The following FAM227B variants were observed in gnomAD, a reference collection of about 807,000 sequenced individuals.
FAM227B encodes protein FAM227B.
Under a neutral mutation model 73.8 loss-of-function variants are expected in FAM227B, and 88 were observed. The observed-to-expected ratio is 1.19, with a 90% CI of 1.00 to 1.42. FAM227B has a LOEUF of 1.42. Among genes scored for constraint, FAM227B ranks in the 40% most tolerant of loss-of-function variants. The probability of loss-of-function intolerance (pLI) is 0.00; values close to 1 mark genes in which losing one functional copy is unlikely to be tolerated. For missense variants in FAM227B, 632 were observed against 590.9 expected (o/e 1.07, Z -0.72); for synonymous variants, 210 against 190.5 (o/e 1.10, Z -0.84).
chr15:49,391,172 A>G (rs1204685668), intron 11 of FAM227B, among the ~76,000 whole-genome samples: 2 of 152,162 alleles, frequency 1.3e-5, no homozygotes, highest in African/African-American at 4.8e-5. Flanking sequence ...ACCTCTATTA[A>G]GCAGGAAAAA....
At chr15:49,408,883 C>T (rs2048695620) in intron 11 of FAM227B, among the ~76,000 whole-genome samples, 1 of 151,978 alleles carries the variant, frequency 6.6e-6, no homozygotes, top group Non-Finnish European at 1.5e-5. Flanking sequence ...GCATTTACTA[C>T]CACAATTCAG....
intron 13 of FAM227B, among the ~76,000 whole-genome samples, chr15:49,341,357 TAACAA>T (rs944723724): frequency 2.6e-5 from 4 of 152,206 alleles, no homozygotes; most frequent in African/African-American, 9.6e-5. Flanking sequence ...ATGGCAAGTT[TAACAA>T]TATTGATTCT....
chr15:49,585,698 G>A (rs1379539771), intron 5 of FAM227B, among the ~76,000 whole-genome samples: 1 of 152,120 alleles, frequency 6.6e-6, no homozygotes, highest in African/African-American at 2.4e-5. Context: ...GTTGTGGGGT[G>A]GGTGGAGGGG....
intron 11 of FAM227B, among the ~76,000 whole-genome samples, chr15:49,388,035 T>C (rs1450562321): frequency 1.3e-5 from 2 of 151,902 alleles, no homozygotes; most frequent in Admixed American, 6.6e-5. Context: ...AGAATCAATA[T>C]TGTGCAAATG....
chr15:49,508,228 T>C lies in FAM227B; in HGVS notation c.995A>G (p.Gln332Arg). 6.2e-7 allele frequency: 1 copy of C among 1,610,558 alleles called. No individual in the cohort carries two copies. The highest frequency in any genetic ancestry group is 8.5e-7 in the Non-Finnish European group (1 of 1,178,464). ...TTACTTACTAGTTGATATATGTTCT[T>C]GACTGTCTGCAATTCTTTCCTTTAC... Reference protein sequence around the residue: ...KSVKERIADSQEHISTSIDFN... With the variant: ...KSVKERIADSREHISTSIDFN... The change falls in exon 11 of 16, where the codon CAA becomes CGA. Residue 332 changes from glutamine (Q) to arginine (R), a missense_variant. Transcript: ENST00000299338.
chr15:49,478,688 T>C (rs2055598271), intron 11 of FAM227B, among the ~76,000 whole-genome samples: 1 of 152,168 alleles, frequency 6.6e-6, no homozygotes, highest in Non-Finnish European at 1.5e-5. Context: ...AAATAATATT[T>C]AGTTATCATG....
intron 1 of FAM227B, among the ~76,000 whole-genome samples, 186 bp from the exon 2 acceptor site, chr15:49,615,429 T>C (rs966220595): frequency 7.2e-5 from 11 of 152,116 alleles, no homozygotes; most frequent in African/African-American, 1.2e-4. Flanking sequence ...TGGGAGGTGA[T>C]TGGATCATGG....
Position 49,508,335 on chromosome 15 carries a change from T to C in FAM227B, c.888A>G (p.Gln296=). The change falls in exon 11 of 16, where the codon CAA becomes CAG. Residue 296 remains glutamine (Q), a synonymous_variant. Coordinates refer to ENST00000299338, the MANE Select transcript of FAM227B (RefSeq NM_152647.3). Reference sequence around the variant, plus strand: ...GTTTCCAGTGGATCCAAAAGCCTTTTTGAGGTTTTAAACCTGTTAATATAA... The same window carrying C: ...GTTTCCAGTGGATCCAAAAGCCTTTCTGAGGTTTTAAACCTGTTAATATAA... ...IFLWCSGLKP[Q]KGFWIHWKLK... The C allele has an allele frequency of 6.3e-7, 1 of 1,599,082 alleles. No individual in the cohort carries two copies. The highest frequency in any genetic ancestry group is 1.1e-5 in the South Asian group (1 of 87,700).
intron 3 of FAM227B, among the ~76,000 whole-genome samples, chr15:49,603,903 G>A (rs1032714933): frequency 5.9e-5 from 9 of 152,024 alleles, no homozygotes; most frequent in Non-Finnish European, 7.4e-5. Context: ...CAGCATCAGC[G>A]GAAATCATAT....
Position 49,327,938 on chromosome 15 carries a change from C to T in FAM227B, c.*630G>A, listed in dbSNP as rs1239011880. On this transcript the variant is annotated 3_prime_UTR_variant, in exon 16 of 16. Coordinates refer to ENST00000299338, the MANE Select transcript of FAM227B (RefSeq NM_152647.3). ...CATTTATAGGTTCTAATATTTTTTT[C>T]CTCACTGTTTTAGGAAGTTTGGGGC... is the stretch of plus-strand genomic sequence containing the variant. The T allele has an allele frequency of 2.3e-5, 36 of 1,589,358 alleles. No homozygotes were observed. The highest frequency in any genetic ancestry group is 5.4e-5 in the Admixed American group (3 of 55,938).
Position 49,371,377 on chromosome 15 carries a change from CTTTA to C in FAM227B, c.1031_1034del (p.Ile344ArgfsTer3). The C allele has an allele frequency of 1.3e-6, 2 of 1,576,886 alleles. No homozygotes were observed. The highest frequency in any genetic ancestry group is 1.7e-6 in the Non-Finnish European group (2 of 1,157,508). ...TATATGCTCTTGGGTTGTTCAGAAT[CTTTA>C]TAATATTGAAGTCGATACCTAAAAC... On this transcript the variant is annotated frameshift_variant, in exon 12 of 16. Coordinates refer to ENST00000299338, the MANE Select transcript of FAM227B (RefSeq NM_152647.3). LOFTEE classifies it high-confidence loss of function.
At chr15:49,549,255 G>A (rs1424329410) in intron 9 of FAM227B, among the ~76,000 whole-genome samples, 1 of 151,840 alleles carries the variant, frequency 6.6e-6, no homozygotes, top group Non-Finnish European at 1.5e-5. Flanking sequence ...ATTTCTTCAT[G>A]AGGAGCATAT....
intron 2 of FAM227B, among the ~76,000 whole-genome samples, chr15:49,611,689 T>C (rs955615870): frequency 2.0e-5 from 3 of 152,266 alleles, no homozygotes; most frequent in Non-Finnish European, 2.9e-5. Context: ...TAAATTTAAA[T>C]GTTTGGATAT....
intron 11 of FAM227B, among the ~76,000 whole-genome samples, chr15:49,452,121 A>G (rs991365470): frequency 5.9e-5 from 9 of 151,864 alleles, no homozygotes; most frequent in African/African-American, 2.2e-4. Context: ...GGCTCACTGC[A>G]GCCTCTGCCT....
intron 11 of FAM227B, among the ~76,000 whole-genome samples, chr15:49,460,789 C>G (rs1014026666): frequency 2.0e-5 from 3 of 152,150 alleles, no homozygotes; most frequent in African/African-American, 4.8e-5. Context: ...CTGTCCTTAG[C>G]AGAGACATAT....
At chr15:49,585,334 A>G (rs191935148) in intron 5 of FAM227B, among the ~76,000 whole-genome samples, 1 of 152,206 alleles carries the variant, frequency 6.6e-6, no homozygotes, top group African/African-American at 2.4e-5. Flanking sequence ...CAGCCATCCC[A>G]TTACTGGGTA....
chr15:49,393,603 C>T (rs1340684334), intron 11 of FAM227B, among the ~76,000 whole-genome samples: 1 of 152,042 alleles, frequency 6.6e-6, no homozygotes, highest in Non-Finnish European at 1.5e-5. Context: ...GTTAATTAAA[C>T]CAAGTCCTTT....
intron 11 of FAM227B, among the ~76,000 whole-genome samples, chr15:49,395,682 G>A (rs1410589288): frequency 6.6e-6 from 1 of 152,174 alleles, no homozygotes. Flanking sequence ...AAAGGCTGAG[G>A]CAGGGCTGGG....
At chr15:49,510,468 G>C (rs565345040) in intron 10 of FAM227B, among the ~76,000 whole-genome samples, 16 of 152,026 alleles carry the variant, frequency 1.1e-4, no homozygotes, top group Non-Finnish European at 2.2e-4. Context: ...GCTCCAAACT[G>C]CTCCCCCCAC....
Sources: gnomAD v4.1 joint callset for allele counts (sites outside exome capture counted in the v4.1 genomes callset) on GRCh38, gnomAD v4.1.1 for gene constraint, MANE v1.5 for transcripts, NCBI Gene and HGNC (gene_info 2026-07-23, HGNC 2026-07-21) for gene names.